IL1RAPL1: variants seen among roughly 807,000 people sequenced by gnomAD.
IL1RAPL1 encodes the protein interleukin-1 receptor accessory protein-like 1.
IL1RAPL1 carries 3 observed loss-of-function variants against 48.4 expected under a neutral mutation model. That is an observed-to-expected ratio of 0.06 (90% confidence interval 0.03 to 0.16). The LOEUF is 0.16. Ranked by LOEUF, IL1RAPL1 falls within the 10% of genes least tolerant of loss-of-function variation. The probability of loss-of-function intolerance (pLI) is 1.00; values close to 1 mark genes in which losing one functional copy is unlikely to be tolerated. For missense variants in IL1RAPL1, 349 were observed against 530.6 expected (o/e 0.66, Z 3.36); for synonymous variants, 185 against 187.7 (o/e 0.99, Z 0.12).
In IL1RAPL1 at chrX:29,685,750, G is replaced by A. The variant is rs920798128; in HGVS notation, c.778+17246G>A. Among the ~76,000 whole-genome samples, 3 of 110,525 alleles carry A rather than the reference G, an allele frequency of 2.7e-5. No homozygotes were observed. In the Admixed American group the frequency reaches 2.9e-4, roughly 11 times the overall value. ...ACCTGTAATCCCAGCACTTTGGGAG[G>A]CCGAGGTGGGTGGATCATGAGGTCA... On this transcript the variant is annotated intron_variant, in intron 6 of 10. Transcript: ENST00000378993.
At chrX:29,720,006 A>G (rs942384793) in intron 6 of IL1RAPL1, among the ~76,000 whole-genome samples, 3 of 111,968 alleles carry the variant, frequency 2.7e-5, no homozygotes, top group Non-Finnish European at 5.6e-5. Flanking sequence ...AGCACAGTCA[A>G]CCGCTTCATC....
chrX:28,873,746 T>C (rs950162822), intron 2 of IL1RAPL1, among the ~76,000 whole-genome samples: 7 of 106,862 alleles, frequency 6.6e-5, no homozygotes, highest in Non-Finnish European at 1.3e-4. Context: ...TTAGCCAGGA[T>C]GGTCTGGATC....
intron 2 of IL1RAPL1, among the ~76,000 whole-genome samples, chrX:28,976,296 AATG>A (rs1475676625): frequency 1.1e-4 from 12 of 111,874 alleles, no homozygotes; most frequent in African/African-American, 3.2e-4. Context: ...TCAGGCCAGA[AATG>A]ATGATGACTT....
At chrX:28,946,508 T>C (rs1924309107) in intron 2 of IL1RAPL1, among the ~76,000 whole-genome samples, 1 of 111,281 alleles carries the variant, frequency 9.0e-6, no homozygotes, top group Non-Finnish European at 1.9e-5. Context: ...AGATAACTTA[T>C]ACAAACCACT....
At chrX:29,598,038 A>T (rs1248828546) in intron 5 of IL1RAPL1, among the ~76,000 whole-genome samples, 1 of 110,576 alleles carries the variant, frequency 9.0e-6, no homozygotes, top group Non-Finnish European at 1.9e-5. Flanking sequence ...TTCTGCTCTG[A>T]TCTTTATTGT....
intron 2 of IL1RAPL1, among the ~76,000 whole-genome samples, chrX:29,078,416 C>G (rs1927729636): frequency 8.9e-6 from 1 of 112,787 alleles, no homozygotes; most frequent in African/African-American, 3.2e-5. Flanking sequence ...GAGAATGACT[C>G]TATCTCTTCG....
intron 9 of IL1RAPL1, among the ~76,000 whole-genome samples, chrX:29,946,970 A>G (rs1428070917): frequency 8.9e-6 from 1 of 112,135 alleles, no homozygotes; most frequent in Non-Finnish European, 1.9e-5. Context: ...AAAAGCCACT[A>G]TCTTTAGCAA....
At chrX:29,802,817 A>ACATATGTATACATATATG (rs1929979963) in intron 6 of IL1RAPL1, among the ~76,000 whole-genome samples, 1 of 61,615 alleles carries the variant, frequency 1.6e-5, no homozygotes, top group African/African-American at 7.5e-5. Flanking sequence ...ATATGTGTGT[A>ACATATGTATACATATATG]TATATATGTA....
intron 6 of IL1RAPL1, among the ~76,000 whole-genome samples, chrX:29,897,088 A>G (rs1466962827): frequency 8.9e-6 from 1 of 112,266 alleles, no homozygotes; most frequent in Non-Finnish European, 1.9e-5. Context: ...CTGGGTAATC[A>G]TTGTGCTTCA....
intron 2 of IL1RAPL1, among the ~76,000 whole-genome samples, chrX:29,151,577 T>C (rs1389627867): frequency 9.0e-6 from 1 of 111,258 alleles, no homozygotes; most frequent in Admixed American, 9.6e-5. Flanking sequence ...AGCTGACCAA[T>C]AAAAGGTGTG....
chrX:29,432,250 A>G (rs1386810116), intron 5 of IL1RAPL1, among the ~76,000 whole-genome samples: 1 of 111,260 alleles, frequency 9.0e-6, no homozygotes, highest in Non-Finnish European at 1.9e-5. Flanking sequence ...GGAATGGTCA[A>G]TTCTTTCTCT....
chrX:28,985,191 G>A (rs1488607990), intron 2 of IL1RAPL1, among the ~76,000 whole-genome samples: 2 of 111,659 alleles, frequency 1.8e-5, no homozygotes, highest in African/African-American at 6.5e-5. Context: ...CCTTGACTGA[G>A]TGTTAGGCAG....
chrX:29,158,105 T>A (rs1183602704), intron 2 of IL1RAPL1, among the ~76,000 whole-genome samples: 1 of 111,433 alleles, frequency 9.0e-6, no homozygotes, highest in Non-Finnish European at 1.9e-5. Flanking sequence ...AAGGGAATCA[T>A]TCCTTATTTG....
chrX:29,702,878 T>G (rs2147116423), intron 6 of IL1RAPL1, among the ~76,000 whole-genome samples: 1 of 112,354 alleles, frequency 8.9e-6, no homozygotes, highest in East Asian at 2.8e-4. Context: ...AGCACATGAA[T>G]AAATGGGAAG....
intron 5 of IL1RAPL1, among the ~76,000 whole-genome samples, chrX:29,462,955 G>A (rs1294554460): frequency 9.0e-6 from 1 of 111,660 alleles, no homozygotes; most frequent in Non-Finnish European, 1.9e-5. Context: ...TCACATCTCT[G>A]TAGATAACCT....
chrX:29,939,861 A>ATTTTT (rs35163237), intron 8 of IL1RAPL1, among the ~76,000 whole-genome samples: 15 of 90,056 alleles, frequency 1.7e-4, no homozygotes, highest in African/African-American at 6.5e-4. Context: ...ATGAATGAGG[A>ATTTTT]TTTTTTTTTT....
At chrX:29,817,817 C>T (rs925911937) in intron 6 of IL1RAPL1, among the ~76,000 whole-genome samples, 16 of 111,838 alleles carry the variant, frequency 1.4e-4, no homozygotes, top group African/African-American at 5.2e-4. Flanking sequence ...GTGTTTTTCT[C>T]TTCCTCTGCT....
At chrX:29,496,300 A>G (rs1467019208) in intron 5 of IL1RAPL1, among the ~76,000 whole-genome samples, 1 of 110,240 alleles carries the variant, frequency 9.1e-6, no homozygotes, top group African/African-American at 3.3e-5. Flanking sequence ...TCCAAATCTC[A>G]TGTTGAGTTG....
At chrX:29,490,971 G>A (rs1465413820) in intron 5 of IL1RAPL1, among the ~76,000 whole-genome samples, 1 of 110,617 alleles carries the variant, frequency 9.0e-6, no homozygotes, top group Non-Finnish European at 1.9e-5. Context: ...AAATAAATAT[G>A]TGGTTGTTGT....
Sources: allele counts gnomAD v4.1 joint callset (sites outside exome capture counted in the v4.1 genomes callset), GRCh38; gene constraint gnomAD v4.1.1; transcripts MANE v1.5; gene names NCBI Gene and HGNC (gene_info 2026-07-23, HGNC 2026-07-21).